The following TYMS variants were observed in gnomAD, a reference collection of about 807,000 sequenced individuals.
TYMS encodes thymidylate synthase.
In TYMS, 21 loss-of-function variants were observed where a neutral mutation model predicts 39.3. That is an observed-to-expected ratio of 0.54 (90% confidence interval 0.38 to 0.77). The LOEUF is 0.77. Among genes scored for constraint, TYMS ranks in the 30% least tolerant of loss-of-function variants. The pLI is 0.00. For synonymous variants in TYMS, 171 were observed against 162.2 expected, an observed-to-expected ratio of 1.05 and a Z score of -0.41; for missense variants, 273 against 406.7, an observed-to-expected ratio of 0.67 and a Z score of 2.83.
Position 672,847 on chromosome 18 carries a change from A to AT in TYMS, c.805-9dup, listed in dbSNP as rs772159761. ...ACAATTATGGCAAAATAATGGCCTT[A>AT]TTTTGTTTTTAGCTTCAGCGAGAAC... On this transcript the variant is annotated splice_polypyrimidine_tract_variant and intron_variant, in intron 6 of 6. Coordinates refer to ENST00000323274, the MANE Select transcript of TYMS (RefSeq NM_001071.4). The AT allele has an allele frequency of 1.9e-5, 29 of 1,549,144 alleles. No individual in the cohort carries two copies. Among genetic ancestry groups the AT allele is most frequent in the Non-Finnish European group, 2.6e-5 (29 of 1,133,744 alleles).
At position 664,464 on chromosome 18, in the gene TYMS, CAG is replaced by C. The variant is rs1473755121; in HGVS notation, c.454+2145_454+2146del. On this transcript the variant is annotated intron_variant, in intron 3 of 6. Transcript: ENST00000323274. ...GATATACAATCATGTCGTCTGCAAA[CAG>C]GGACAATTTGACTTCCTCTTTTCCT... is the stretch of plus-strand genomic sequence containing the variant. Among the ~76,000 whole-genome samples, 8 of 143,608 alleles carry C rather than the reference CAG, an allele frequency of 5.6e-5. No homozygotes were observed. In the East Asian group the frequency reaches 1.5e-3, roughly 26 times the overall value. The allele number at this position is 143,608 out of a possible 152,430, so 94.2% of individuals were successfully genotyped here.
In TYMS at chr18:667,577, T is replaced by TGATGGTGATGGA. The variant is rs1598470316; in HGVS notation, c.455-1484_455-1483insAGATGGTGATGG. 1.5e-4 allele frequency: 11 copies of TGATGGTGATGGA among 73,604 alleles called. 1 individual carries two copies. Among genetic ancestry groups the TGATGGTGATGGA allele is most frequent in the East Asian group, 9.9e-4 (2 of 2,030 alleles). 4.6% of individuals were successfully genotyped at this position (73,604 alleles called of 1,614,324 possible). On this transcript the variant is annotated intron_variant, in intron 3 of 6. Transcript: ENST00000323274. ...GAGATGGTGATGGTGATGGAGATGG[T>TGATGGTGATGGA]GATGGTGATGGTGATGGTGATGGTG...
At position 671,455 on chromosome 18, in the gene TYMS, A is replaced by G; in HGVS notation, c.804+4A>G. 1 of 1,599,426 alleles carries G rather than the reference A, an allele frequency of 6.3e-7. No individual in the cohort carries two copies. The highest frequency in any genetic ancestry group is 1.1e-5 in the South Asian group (1 of 90,110). ...CATCGAGCCACTGAAAATTCAGGTA[A>G]GAATTAGATGTTATACTTTTGGGTT... On this transcript the variant is annotated splice_donor_region_variant and intron_variant, in intron 6 of 6. Coordinates refer to ENST00000323274, the MANE Select transcript of TYMS (RefSeq NM_001071.4).
At position 666,891 on chromosome 18, in the gene TYMS, A is replaced by AGATGAGT. The variant is rs1555639480; in HGVS notation, c.455-2177_455-2176insAGTGATG. ...GTTAGGGATGACGAAAAAGTTCGGG[A>AGATGAGT]GATGGTGATGGAGATGGTGATGGTG... is the stretch of plus-strand genomic sequence containing the variant. On this transcript the variant is annotated intron_variant, in intron 3 of 6. Transcript: ENST00000323274. 2.9e-4 allele frequency among the ~76,000 whole-genome samples: 18 copies of AGATGAGT among 62,148 alleles called. 1 individual carries two copies. Among genetic ancestry groups the AGATGAGT allele is most frequent in the African/African-American group, 1.6e-3 (17 of 10,670 alleles). The allele number at this position is 62,148 out of a possible 152,430, so 40.8% of individuals were successfully genotyped here.
intron 3 of TYMS, among the ~76,000 whole-genome samples, chr18:668,015 G>A (rs1475726331): frequency 1.5e-5 from 1 of 65,002 alleles, no homozygotes; most frequent in African/African-American, 1.2e-4. Flanking sequence ...TTTTTTTAAT[G>A]CACAGAAAGT....
At chr18:668,846 GGAAAAAGAC>G (rs2074916172) in intron 3 of TYMS, among the ~76,000 whole-genome samples, 1 of 152,060 alleles carries the variant, frequency 6.6e-6, no homozygotes. Context: ...GTGTAGAAGA[GGAAAAAGAC>G]TTTGTTAGGG....
Position 667,448 on chromosome 18 carries a change from T to A in TYMS, c.455-1624T>A, listed in dbSNP as rs1301381217. ...GTGATGGAGATGGTGATGGTGATGGTGATGGTGATGATGGAGATGGTGATG... is the reference window on the plus strand; with the variant it reads ...GTGATGGAGATGGTGATGGTGATGGAGATGGTGATGATGGAGATGGTGATG... On this transcript the variant is annotated intron_variant, in intron 3 of 6. Transcript: ENST00000323274. Among the ~76,000 whole-genome samples the A allele has an allele frequency of 2.7e-3, 3 of 1,128 alleles. 1 individual carries two copies. Among genetic ancestry groups the A allele is most frequent in the African/African-American group, 5.7e-3 (1 of 176 alleles). The allele number at this position is 1,128 out of a possible 152,430, so 0.7% of individuals were successfully genotyped here. A position where few individuals can be genotyped will look rare whatever the true frequency, so the allele number is the denominator to read the frequency against.
Position 667,537 on chromosome 18 carries a change from ATGGTGATGGT to A in TYMS, c.455-1534_455-1525del, listed in dbSNP as rs1567990903. ...GATGGTGATGGTGATGGAGATGGTG[ATGGTGATGGT>A]GATGGAGATGGTGATGGTGATGGAG... On this transcript the variant is annotated intron_variant, in intron 3 of 6. Coordinates refer to ENST00000323274, the MANE Select transcript of TYMS (RefSeq NM_001071.4). Among the ~76,000 whole-genome samples the A allele has an allele frequency of 1.5e-4, 13 of 84,402 alleles. 5 individuals are homozygous for A. Among genetic ancestry groups the A allele is most frequent in the African/African-American group, 8.5e-4 (11 of 12,966 alleles). The allele number at this position is 84,402 out of a possible 152,430, so 55.4% of individuals were successfully genotyped here.
chr18:659,813 C>A, intron 2 of TYMS, 99 bp downstream of exon 2: 1 of 1,053,136 alleles, frequency 9.5e-7, no homozygotes, highest in Non-Finnish European at 1.5e-6. Flanking sequence ...TGGTGGCTCA[C>A]GCCTGTAATC....
intron 3 of TYMS, among the ~76,000 whole-genome samples, chr18:668,583 G>A (rs528982507): frequency 3.4e-4 from 52 of 152,348 alleles, no homozygotes; most frequent in African/African-American, 9.4e-4. Flanking sequence ...TGAGGTGATA[G>A]AAAGGAATCC....
intron 5 of TYMS, 101 bp from the exon 6 acceptor site, chr18:671,279 T>A (rs1013621402): frequency 1.6e-5 from 13 of 835,736 alleles, no homozygotes; most frequent in South Asian, 5.7e-5. Flanking sequence ...ATTATTTTTT[T>A]AAAAAAAGCC....
intron 3 of TYMS, among the ~76,000 whole-genome samples, chr18:665,293 A>G (rs2074798828): frequency 6.6e-6 from 1 of 150,510 alleles, no homozygotes; most frequent in Admixed American, 6.6e-5. Flanking sequence ...TAGATTTTCT[A>G]GTTTATTTGC....
rs371604300 is a variant in TYMS, at chr18:658,149, C to T, written c.205+202C>T. On this transcript the variant is annotated intron_variant, in intron 1 of 6. Transcript: ENST00000323274. This position sits in a 1 kb window ranked among gnomAD's most constrained non-coding sequence, Gnocchi z 4.5. ...GGACGTGACTGGCGCGGGCAACACA[C>T]ACAGCAGCGACAGCCGGGAGGTAAG... is the stretch of plus-strand genomic sequence containing the variant. The T allele has an allele frequency of 6.1e-5, 96 of 1,583,512 alleles. No homozygotes were observed. In the African/African-American group the frequency reaches 1.2e-3, roughly 20 times the overall value.
chr18:662,812 A>G (rs962556376), intron 3 of TYMS, among the ~76,000 whole-genome samples: 7 of 150,108 alleles, frequency 4.7e-5, no homozygotes, highest in Admixed American at 1.3e-4. Context: ...ATGATTTCCA[A>G]TTTCATCCAC....
intron 3 of TYMS, 67 bp from the exon 4 acceptor site, chr18:669,005 C>G (rs1357569195): frequency 1.9e-5 from 26 of 1,353,310 alleles, no homozygotes; most frequent in East Asian, 9.3e-5. Context: ...TAGATGACCT[C>G]TAAGGCCATC....
At chr18:667,007 AT>A (rs2074845363) in intron 3 of TYMS, among the ~76,000 whole-genome samples, 1 of 6,494 alleles carries the variant, frequency 1.5e-4, no homozygotes, top group Non-Finnish European at 3.7e-4. Context: ...GGAGATGGTG[AT>A]GGTGATGGAG....
intron 5 of TYMS, 70 bp from the exon 6 acceptor site, chr18:671,310 A>G (rs545044905): frequency 2.0e-6 from 2 of 1,023,616 alleles, no homozygotes; most frequent in South Asian, 2.6e-5. Context: ...TGCATATTCT[A>G]ATGTTTTTAA....
chr18:662,750 T>C (rs1402753007), intron 3 of TYMS, among the ~76,000 whole-genome samples: 2 of 150,282 alleles, frequency 1.3e-5, no homozygotes, highest in African/African-American at 4.9e-5. Flanking sequence ...CACCTATGAG[T>C]GAGAATATGC....
At chr18:666,169 A>C in intron 3 of TYMS, among the ~76,000 whole-genome samples, 1 of 149,236 alleles carries the variant, frequency 6.7e-6, no homozygotes, top group Non-Finnish European at 1.5e-5. Context: ...TGTAGGTCAG[A>C]TGATTGGCAC....
Sources: allele counts gnomAD v4.1 joint callset (sites outside exome capture counted in the v4.1 genomes callset), GRCh38; gene constraint gnomAD v4.1.1; non-coding constraint Gnocchi (gnomAD v3.1); transcripts MANE v1.5; gene names NCBI Gene and HGNC (gene_info 2026-07-23, HGNC 2026-07-21).